The following SEZ6L2 variants were observed in gnomAD, a reference collection of about 807,000 sequenced individuals.
SEZ6L2 encodes the protein seizure 6-like protein 2.
Under a neutral mutation model 97.0 loss-of-function variants are expected in SEZ6L2, and 44 were observed. That is an observed-to-expected ratio of 0.45 (90% confidence interval 0.36 to 0.58). The LOEUF is 0.58. Ranked by LOEUF, SEZ6L2 falls within the 20% of genes least tolerant of loss-of-function variation. The probability of loss-of-function intolerance (pLI) is 0.00; values close to 1 mark genes in which losing one functional copy is unlikely to be tolerated. For missense variants in SEZ6L2, 1,086 were observed against 1,233.3 expected (o/e 0.88, Z 1.79); for synonymous variants, 543 against 546.1 (o/e 0.99, Z 0.08).
chr16:29,896,748 C>T lies in SEZ6L2; in HGVS notation c.511+74G>A. The T allele has an allele frequency of 3.7e-6, 5 of 1,350,392 alleles. No homozygotes were observed. The South Asian group carries it at 3.9e-5, about 10-fold the overall frequency. The allele number at this position is 1,350,392 out of a possible 1,614,324, so 83.7% of individuals were successfully genotyped here. A position where few individuals can be genotyped will look rare whatever the true frequency, so the allele number is the denominator to read the frequency against. On this transcript the variant is annotated intron_variant, in intron 3 of 17. Transcript: ENST00000617533. ...CCAGGACTCCTTCCACAGTTCCCAGCAGCCTCTCTCCCATCCATCCCCAGC... is the reference window on the plus strand; with the variant it reads ...CCAGGACTCCTTCCACAGTTCCCAGTAGCCTCTCTCCCATCCATCCCCAGC...
intron 8 of SEZ6L2, among the ~76,000 whole-genome samples, chr16:29,884,259 C>A (rs2068086332): frequency 6.6e-6 from 1 of 152,122 alleles, no homozygotes; most frequent in African/African-American, 2.4e-5. Flanking sequence ...GCTGAGCTCT[C>A]AGGAAATATA....
intron 8 of SEZ6L2, among the ~76,000 whole-genome samples, chr16:29,884,444 T>C (rs1247584756): frequency 6.6e-6 from 1 of 151,236 alleles, no homozygotes; most frequent in Non-Finnish European, 1.5e-5. Flanking sequence ...ACCCAAAAAT[T>C]AGCTGGGCGT....
rs142561316 is a variant in SEZ6L2, at chr16:29,873,276, G to A, written c.2452C>T (p.Pro818Ser). ...GGGGGCTGGCTGGTCCACTGGGAGG[G>A]GTGGCCGGGCACACAGGTGATGGTG... ...EVTITCVPGH[P>S]SQWTSQPPLC... The change falls in exon 14 of 18, where the codon CCC becomes TCC. Residue 818 changes from proline (P) to serine (S), a missense_variant. Physicochemically the swap from Pro to Ser is moderately conservative, Grantham distance 74. Coordinates refer to ENST00000617533, the MANE Select transcript of SEZ6L2 (RefSeq NM_001243332.2). This position sits in a 1 kb window ranked among gnomAD's most constrained non-coding sequence, Gnocchi z 4.3. 6.2e-6 allele frequency: 10 copies of A among 1,613,986 alleles called. No homozygotes were observed. The highest frequency in any genetic ancestry group is 1.3e-5 in the African/African-American group (1 of 74,924).
intron 5 of SEZ6L2, among the ~76,000 whole-genome samples, chr16:29,893,193 G>A (rs1259511759): frequency 1.3e-5 from 2 of 151,370 alleles, no homozygotes; most frequent in Non-Finnish European, 2.9e-5. Flanking sequence ...GAGTGGTGGG[G>A]CATGCTTGTA....
At chr16:29,879,460 G>A (rs1307314929) in intron 9 of SEZ6L2, among the ~76,000 whole-genome samples, 1 of 151,660 alleles carries the variant, frequency 6.6e-6, no homozygotes, top group Non-Finnish European at 1.5e-5. Context: ...CCCGACCTCA[G>A]GTGATCCGCC....
rs2067806859 is a variant in SEZ6L2 at position 29,872,530 on chromosome 16, C to T, written c.2528-4G>A. 1.2e-6 allele frequency: 2 copies of T among 1,613,744 alleles called. No individual in the cohort carries two copies. The highest frequency in any genetic ancestry group is 1.3e-5 in the African/African-American group (1 of 74,942). On this transcript the variant is annotated splice_polypyrimidine_tract_variant and splice_region_variant and intron_variant, in intron 15 of 17. Transcript: ENST00000617533. ...GATGGATCTGTGGTCTGGGTCACTACAGGAGGAGGAGAGGCCGGTGAGCTG... is the reference window on the plus strand; with the variant it reads ...GATGGATCTGTGGTCTGGGTCACTATAGGAGGAGGAGAGGCCGGTGAGCTG...
rs2067908064 is a variant in SEZ6L2 at position 29,876,574 on chromosome 16, CG to C, written c.2104+181del. Among the ~76,000 whole-genome samples, 1 of 151,932 alleles carries C rather than the reference CG, an allele frequency of 6.6e-6. No individual in the cohort carries two copies. Among genetic ancestry groups the C allele is most frequent in the Admixed American group, 6.6e-5 (1 of 15,230 alleles). The stretch of plus-strand genomic sequence containing the variant: ...GAGGGAGACCCAGAGGGGACAGTTT[CG>C]GGGAACCGGGCGGAGGAGTGAGAAC... On this transcript the variant is annotated intron_variant, in intron 12 of 17. Coordinates refer to ENST00000617533, the MANE Select transcript of SEZ6L2 (RefSeq NM_001243332.2). The surrounding 1 kb of genome is among the most constrained non-coding windows in gnomAD (Gnocchi z 6.5).
rs774660024 is a variant in SEZ6L2, at chr16:29,876,743, G to C, written c.2104+13C>G. 2 of 1,524,120 alleles carry C rather than the reference G, an allele frequency of 1.3e-6. No homozygotes were observed. Among genetic ancestry groups the C allele is most frequent in the Middle Eastern group, 1.8e-4 (1 of 5,412 alleles). 94.4% of individuals were successfully genotyped at this position (1,524,120 alleles called of 1,614,324 possible). On this transcript the variant is annotated intron_variant, in intron 12 of 17. Transcript: ENST00000617533. The surrounding 1 kb of genome is among the most constrained non-coding windows in gnomAD (Gnocchi z 6.5). ...GGGGCGGGGCCGAGGGGACGCGGGC[G>C]GGGCCGGCTCACTCTTTTGGCAGGC...
rs978708685 is a variant in SEZ6L2, at chr16:29,873,155, T to A, written c.2488+85A>T. The A allele has an allele frequency of 6.8e-7, 1 of 1,476,940 alleles. No homozygotes were observed. Among genetic ancestry groups the A allele is most frequent in the Non-Finnish European group, 9.2e-7 (1 of 1,083,610 alleles). The allele number at this position is 1,476,940 out of a possible 1,614,324, so 91.5% of individuals were successfully genotyped here. A position where few individuals can be genotyped will look rare whatever the true frequency, so the allele number is the denominator to read the frequency against. On this transcript the variant is annotated intron_variant, in intron 14 of 17. Coordinates refer to ENST00000617533, the MANE Select transcript of SEZ6L2 (RefSeq NM_001243332.2). This position sits in a 1 kb window ranked among gnomAD's most constrained non-coding sequence, Gnocchi z 4.3. ...CCGGGAGCTCTGTGGGGTCGCCCAT[T>A]GGTCTCAAATGTGCTACCTGACTCT... is the stretch of plus-strand genomic sequence containing the variant.
In SEZ6L2 at chr16:29,881,105, G is replaced by T. The variant is rs1410180905; in HGVS notation, c.1373-1041C>A. Among the ~76,000 whole-genome samples the T allele has an allele frequency of 2.0e-5, 3 of 152,074 alleles. No homozygotes were observed. In the East Asian group the frequency reaches 5.8e-4, roughly 29 times the overall value. Reference sequence around the variant, plus strand: ...GTTTTTAAAAACTGAATGCCACTGGGTTTAGCATTCACTCTCCAGACTGTC... The same window carrying T: ...GTTTTTAAAAACTGAATGCCACTGGTTTTAGCATTCACTCTCCAGACTGTC... On this transcript the variant is annotated intron_variant, in intron 8 of 17. Coordinates refer to ENST00000617533, the MANE Select transcript of SEZ6L2 (RefSeq NM_001243332.2).
chr16:29,884,745 T>C (rs1221449690), intron 8 of SEZ6L2, among the ~76,000 whole-genome samples: 2 of 146,910 alleles, frequency 1.4e-5, no homozygotes, highest in Admixed American at 6.8e-5. Context: ...GAAACCCCAT[T>C]TTTACTAAAA....
Position 29,871,471 on chromosome 16 carries a change from G to A in SEZ6L2, c.*228C>T. 3.3e-6 allele frequency: 2 copies of A among 603,490 alleles called. No individual in the cohort carries two copies. The highest frequency in any genetic ancestry group is 4.4e-4 in the Middle Eastern group (1 of 2,262). 37.4% of individuals were successfully genotyped at this position (603,490 alleles called of 1,614,324 possible). ...GAATCCAAAAGCCGGTAGGGCGGGG[G>A]GCAGGCCCCTCGTTTGGCAACTGAG... On this transcript the variant is annotated 3_prime_UTR_variant, in exon 18 of 18. Transcript: ENST00000617533.
Position 29,876,684 on chromosome 16 carries a change from G to A in SEZ6L2, c.2104+72C>T. ...GGAACCCAGAAAGCACGGGGGTCGG[G>A]ACAGGACAGGCCGACGACGGGGCCC... is the stretch of plus-strand genomic sequence containing the variant. On this transcript the variant is annotated intron_variant, in intron 12 of 17. Transcript: ENST00000617533. This position sits in a 1 kb window ranked among gnomAD's most constrained non-coding sequence, Gnocchi z 6.5. The A allele has an allele frequency of 7.1e-7, 1 of 1,399,170 alleles. No individual in the cohort carries two copies. The highest frequency in any genetic ancestry group is 1.4e-5 in the South Asian group (1 of 73,068). 86.7% of individuals were successfully genotyped at this position (1,399,170 alleles called of 1,614,324 possible).
At chr16:29,892,660 G>C (rs768235131) in intron 5 of SEZ6L2, among the ~76,000 whole-genome samples, 2 of 152,240 alleles carry the variant, frequency 1.3e-5, no homozygotes, top group Admixed American at 6.5e-5. Flanking sequence ...GGCACACAAG[G>C]CATCTGCGGT....
chr16:29,886,578 G>A (rs1287610836), intron 7 of SEZ6L2, among the ~76,000 whole-genome samples: 1 of 151,646 alleles, frequency 6.6e-6, no homozygotes, highest in East Asian at 1.9e-4. Flanking sequence ...CTACTCGGGA[G>A]GCTAAGGCAG....
chr16:29,886,815 T>C (rs1293021155), intron 7 of SEZ6L2, among the ~76,000 whole-genome samples: 2 of 152,160 alleles, frequency 1.3e-5, no homozygotes, highest in African/African-American at 2.4e-5. Context: ...ATCTCCATTC[T>C]ACAGATGAGG....
chr16:29,897,897 T>C lies in SEZ6L2; in HGVS notation c.167A>G (p.His56Arg). 6.2e-7 allele frequency: 1 copy of C among 1,613,594 alleles called. No individual in the cohort carries two copies. Residue 56 changes from histidine (H) to arginine (R), a missense_variant, in exon 2 of 18, where the codon CAT (histidine) becomes CGT (arginine). This residue lies in a region of SEZ6L2 where 776 missense variants were observed against 794.7 expected (regional missense o/e 0.98). Coordinates refer to ENST00000617533, the MANE Select transcript of SEZ6L2 (RefSeq NM_001243332.2). ...VASEALAELLHGALLRRGPEM... is the reference protein window; with the variant it reads ...VASEALAELLRGALLRRGPEM... Reference sequence around the variant, plus strand: ...TGGGCCCCTCCTCAGCAGGGCCCCATGAAGCAGTTCAGCCAGGGCCTCAGA... The same window carrying C: ...TGGGCCCCTCCTCAGCAGGGCCCCACGAAGCAGTTCAGCCAGGGCCTCAGA...
rs199795109 is a variant in SEZ6L2 at position 29,872,446 on chromosome 16, T to C, written c.2608A>G (p.Ile870Val). 231 of 1,614,060 alleles carry C rather than the reference T, an allele frequency of 1.4e-4. 1 individual carries two copies. Among genetic ancestry groups the C allele is most frequent in the Non-Finnish European group, 1.9e-4 (226 of 1,180,028 alleles). The part of the protein sequence containing the change: ...LAILLPLGLV[I>V]VLGSGVYIYY... ...ATGTAAACGCCACTGCCGAGGACAATGACCAAGCCTAGAGGCAGCAGGATG... is the reference window on the plus strand; with the variant it reads ...ATGTAAACGCCACTGCCGAGGACAACGACCAAGCCTAGAGGCAGCAGGATG... Residue 870 changes from isoleucine (I) to valine (V), a missense_variant, in exon 16 of 18, where the codon ATT becomes GTT. By Grantham distance (29) the Ile-to-Val change is conservative. Coordinates refer to ENST00000617533, the MANE Select transcript of SEZ6L2 (RefSeq NM_001243332.2).
At chr16:29,883,298 C>CCTTTT (rs796933007) in intron 8 of SEZ6L2, among the ~76,000 whole-genome samples, 74 of 151,996 alleles carry the variant, frequency 4.9e-4, no homozygotes, top group African/African-American at 1.4e-3. Context: ...TCCTCTCTTT[C>CCTTTT]CTTTTCTTTT....
Sources: allele counts gnomAD v4.1 joint callset (sites outside exome capture counted in the v4.1 genomes callset), GRCh38; gene constraint gnomAD v4.1.1; regional missense constraint gnomAD v4.1.1; non-coding constraint Gnocchi (gnomAD v3.1); transcripts MANE v1.5; gene names NCBI Gene and HGNC (gene_info 2026-07-23, HGNC 2026-07-21).